The following IL6ST variants were observed in gnomAD, a reference collection of about 807,000 sequenced individuals.
IL6ST encodes interleukin-6 receptor subunit beta.
A neutral mutation model predicts 91.3 loss-of-function variants in IL6ST; 24 were observed. That is an observed-to-expected ratio of 0.26 (90% confidence interval 0.19 to 0.37). The LOEUF (loss-of-function observed/expected upper bound fraction) is 0.37, where lower values mean the gene tolerates loss of function less well. Among genes scored for constraint, IL6ST ranks in the 10% least tolerant of loss-of-function variants. The pLI is 1.00. For missense variants in IL6ST, 914 were observed against 1,078.5 expected (o/e 0.85, Z 2.14); for synonymous variants, 351 against 373.6 (o/e 0.94, Z 0.70).
At position 55,939,862 on chromosome 5, in the gene IL6ST, C is replaced by CCAT. The variant is rs1750772926; in HGVS notation, c.*1217_*1219dup. On this transcript the variant is annotated 3_prime_UTR_variant, in exon 17 of 17. Transcript: ENST00000381298. ...CCTCAGAACTGCAGACATTAAAATA[C>CCAT]CATCTCTTTATTAAGTGTCTCTACA... 1 of 202,918 alleles carries CCAT rather than the reference C, an allele frequency of 4.9e-6. No homozygotes were observed. Among genetic ancestry groups the CCAT allele is most frequent in the Non-Finnish European group, 1.0e-5 (1 of 98,662 alleles). 12.6% of individuals were successfully genotyped at this position (202,918 alleles called of 1,614,324 possible). A position where few individuals can be genotyped will look rare whatever the true frequency, so the allele number is the denominator to read the frequency against.
rs145170489 is a variant in IL6ST, at chr5:55,944,454, A to G, written c.1938-1703T>C. 2.0e-3 allele frequency among the ~76,000 whole-genome samples: 300 copies of G among 152,354 alleles called. 2 individuals carry two copies. The highest frequency in any genetic ancestry group is 6.9e-3 in the African/African-American group (289 of 41,586). On this transcript the variant is annotated intron_variant, in intron 15 of 16. Transcript: ENST00000381298. ...TATTTTTAAACATTTCATTTATAAT[A>G]ACAAAAAATACTTTTGTCATGAATT...
intron 1 of IL6ST, among the ~76,000 whole-genome samples, chr5:55,984,609 C>A (rs1753852619): frequency 6.6e-6 from 1 of 152,140 alleles, no homozygotes; most frequent in Non-Finnish European, 1.5e-5. Context: ...GCCTCCAAAA[C>A]CTTGAGAGAA....
At chr5:55,948,616 A>G (rs1427184994) in intron 14 of IL6ST, among the ~76,000 whole-genome samples, 1 of 152,046 alleles carries the variant, frequency 6.6e-6, no homozygotes, top group Non-Finnish European at 1.5e-5. Flanking sequence ...ATATATTGAT[A>G]TGGGTATGTA....
intron 2 of IL6ST, among the ~76,000 whole-genome samples, chr5:55,980,654 A>AT (rs1753606213): frequency 6.6e-6 from 1 of 152,190 alleles, no homozygotes; most frequent in Admixed American, 6.5e-5. Flanking sequence ...GCATCACACA[A>AT]TATACTCATG....
intron 2 of IL6ST, among the ~76,000 whole-genome samples, chr5:55,981,837 T>C (rs111440760): frequency 1.6e-4 from 24 of 152,318 alleles, no homozygotes; most frequent in African/African-American, 4.3e-4. Context: ...TGCAGGTAAC[T>C]TGAGAAGCTT....
chr5:55,950,168 G>C (rs1375078126), intron 14 of IL6ST: 6 of 492,568 alleles, frequency 1.2e-5, no homozygotes, highest in South Asian at 8.9e-5. Flanking sequence ...TAGAACGAGG[G>C]AGGGAAAATG....
chr5:55,958,787 CG>C (rs1752133333), intron 8 of IL6ST, among the ~76,000 whole-genome samples: 1 of 146,528 alleles, frequency 6.8e-6, no homozygotes, highest in Non-Finnish European at 1.5e-5. Flanking sequence ...TGCAGCGAGC[CG>C]TGTTCATGCC....
At chr5:55,969,878 A>C (rs568954857) in intron 3 of IL6ST, 23 bp from the exon 4 acceptor site, 2 of 1,502,502 alleles carry the variant, frequency 1.3e-6, no homozygotes, top group African/African-American at 2.8e-5. Context: ...AATAGAAAAT[A>C]TATAAATGGA....
intron 10 of IL6ST, 134 bp downstream of exon 10, chr5:55,955,891 A>T: frequency 2.1e-6 from 1 of 472,774 alleles, no homozygotes; most frequent in Non-Finnish European, 3.7e-6. Context: ...TTAAAAAATT[A>T]AAAAATAAAC....
intron 11 of IL6ST, 31 bp from the exon 12 acceptor site, chr5:55,952,382 T>C: frequency 7.8e-7 from 1 of 1,284,720 alleles, no homozygotes; most frequent in Admixed American, 1.9e-5. Flanking sequence ...TAAGCATGTT[T>C]TTCCATAATG....
In IL6ST at chr5:55,941,361, T is replaced by G; in HGVS notation, c.2478A>C (p.Pro826=). Residue 826 remains proline (P), a synonymous_variant, in exon 17 of 17, where the codon CCA becomes CCC. Coordinates refer to ENST00000381298, the MANE Select transcript of IL6ST (RefSeq NM_002184.4). ...TTGACCTTTCAAAATGTGAAATATC[T>G]GGACTGGATTCATGCTGACTGCAGT... ...KQNCSQHESS[P]DISHFERSKQ... is the part of the protein sequence containing the mutation. 1 of 1,614,174 alleles carries G rather than the reference T, an allele frequency of 6.2e-7. No individual in the cohort carries two copies. The highest frequency in any genetic ancestry group is 8.5e-7 in the Non-Finnish European group (1 of 1,180,002).
intron 1 of IL6ST, among the ~76,000 whole-genome samples, chr5:55,984,539 A>G (rs1753846306): frequency 6.6e-6 from 1 of 152,228 alleles, no homozygotes; most frequent in African/African-American, 2.4e-5. Context: ...GACGATGGCT[A>G]CCACCAGAAG....
rs116561916 is a variant in IL6ST, at chr5:55,992,941, T to C, written c.-104+1843A>G. Among the ~76,000 whole-genome samples the C allele has an allele frequency of 8.6e-3, 1,309 of 152,368 alleles. 16 individuals are homozygous for C. Among genetic ancestry groups the C allele is most frequent in the African/African-American group, 0.03 (1,236 of 41,576 alleles). ...TTATAAACTCTTTGAAGGTCCTGAT[T>C]ACATCTCCTGCACCTTTGTGAGTTC... On this transcript the variant is annotated intron_variant, in intron 1 of 16. Transcript: ENST00000381298.
chr5:55,945,126 A>C (rs1751164172), intron 15 of IL6ST, among the ~76,000 whole-genome samples: 1 of 152,050 alleles, frequency 6.6e-6, no homozygotes, highest in African/African-American at 2.4e-5. Flanking sequence ...CCCAATCAAA[A>C]CTATAGTTTT....
chr5:55,974,768 G>A (rs757357905), intron 3 of IL6ST, among the ~76,000 whole-genome samples: 4 of 152,046 alleles, frequency 2.6e-5, no homozygotes, highest in Admixed American at 2.6e-4. Flanking sequence ...TTACTGGCAT[G>A]AGCCACCATG....
intron 12 of IL6ST, 74 bp from the exon 13 acceptor site, chr5:55,952,149 T>C: frequency 6.6e-7 from 1 of 1,519,120 alleles, no homozygotes; most frequent in South Asian, 1.2e-5. Context: ...CATAAAATCA[T>C]TTGAACATAA....
At position 55,967,309 on chromosome 5, in the gene IL6ST, C is replaced by CAAAAAAAAAAAAAA. The variant is rs60547666; in HGVS notation, c.491+953_491+966dup. 1.6e-4 allele frequency among the ~76,000 whole-genome samples: 5 copies of CAAAAAAAAAAAAAA among 31,904 alleles called. 1 individual carries two copies. Among genetic ancestry groups the CAAAAAAAAAAAAAA allele is most frequent in the Non-Finnish European group, 1.9e-4 (4 of 21,304 alleles). The allele number at this position is 31,904 out of a possible 152,430, so 20.9% of individuals were successfully genotyped here. On this transcript the variant is annotated intron_variant, in intron 5 of 16. Transcript: ENST00000381298. ...TAGGTGACAGAGCAAGACTCCATCT[C>CAAAAAAAAAAAAAA]AAAAAAAAAAAAAAAAAAAAAAAAA...
At chr5:55,965,845 C>G (rs1204520961) in intron 5 of IL6ST, among the ~76,000 whole-genome samples, 3 of 149,502 alleles carry the variant, frequency 2.0e-5, no homozygotes, top group African/African-American at 7.4e-5. Flanking sequence ...ATGAATGAGC[C>G]AATTTGAGTA....
At chr5:55,953,414 A>C (rs957812584) in intron 11 of IL6ST, among the ~76,000 whole-genome samples, 43 of 151,930 alleles carry the variant, frequency 2.8e-4, no homozygotes, top group Non-Finnish European at 4.4e-5. Flanking sequence ...TTTGAGATGG[A>C]GTTTCGTTCT....
Sources: allele counts gnomAD v4.1 joint callset (sites outside exome capture counted in the v4.1 genomes callset), GRCh38; gene constraint gnomAD v4.1.1; transcripts MANE v1.5; gene names NCBI Gene and HGNC (gene_info 2026-07-23, HGNC 2026-07-21).